PCDH7: variants seen among roughly 807,000 people sequenced by gnomAD.
The protein encoded by PCDH7 is protocadherin-7.
In PCDH7, 17 loss-of-function variants were observed where a neutral mutation model predicts 58.9. The ratio of observed to expected loss-of-function variants is 0.29; its 90% confidence interval spans 0.20 to 0.43. PCDH7 has a LOEUF of 0.43. Among genes scored for constraint, PCDH7 ranks in the 20% least tolerant of loss-of-function variants. The probability of loss-of-function intolerance (pLI) is 1.00; values close to 1 mark genes in which losing one functional copy is unlikely to be tolerated. For synonymous variants in PCDH7, 664 were observed against 616.4 expected, an observed-to-expected ratio of 1.08 and a Z score of -1.14; for missense variants, 1,274 against 1,441.0, an observed-to-expected ratio of 0.88 and a Z score of 1.88.
intron 1 of PCDH7, among the ~76,000 whole-genome samples, chr4:30,882,143 C>T (rs1340940743): frequency 6.9e-6 from 1 of 144,670 alleles, no homozygotes; most frequent in Non-Finnish European, 1.5e-5. Flanking sequence ...CTCTTCCTCC[C>T]CCTCCTTTTC....
At chr4:31,129,846 T>G (rs928823328) in intron 3 of PCDH7, among the ~76,000 whole-genome samples, 3 of 152,048 alleles carry the variant, frequency 2.0e-5, no homozygotes, top group African/African-American at 7.2e-5. Flanking sequence ...CAGGCTGGTC[T>G]CAAACTCCTG....
At chr4:30,782,846 G>A (rs116074738) in intron 1 of PCDH7, among the ~76,000 whole-genome samples, 215 of 152,194 alleles carry the variant, frequency 1.4e-3, no homozygotes, top group African/African-American at 4.8e-3. Context: ...CCTTTCCTTC[G>A]AGTATATGGA....
intron 3 of PCDH7, among the ~76,000 whole-genome samples, chr4:31,079,304 T>G (rs1369828074): frequency 3.6e-5 from 3 of 83,812 alleles, no homozygotes; most frequent in Middle Eastern, 6.2e-3. Context: ...TTTACAATAC[T>G]GGAAGATATA....
chr4:30,894,504 TATATATATATATACACAC>T (rs1560476711), intron 1 of PCDH7, among the ~76,000 whole-genome samples: 2 of 47,642 alleles, frequency 4.2e-5, no homozygotes, highest in Non-Finnish European at 7.0e-5. Flanking sequence ...TATATATATA[TATATATATATATACACAC>T]ACACACACAC....
intron 1 of PCDH7, among the ~76,000 whole-genome samples, chr4:30,907,606 G>A (rs1741132691): frequency 6.6e-6 from 1 of 152,168 alleles, no homozygotes; most frequent in Non-Finnish European, 1.5e-5. Context: ...AACAACAGAT[G>A]CTGGAGAGGA....
chr4:30,782,811 C>A (rs1722963710), intron 1 of PCDH7, among the ~76,000 whole-genome samples: 1 of 152,186 alleles, frequency 6.6e-6, no homozygotes, highest in African/African-American at 2.4e-5. Context: ...CTGTGTGGCA[C>A]TGTGTCTTCA....
At chr4:31,015,650 C>A (rs940721584) in intron 3 of PCDH7, among the ~76,000 whole-genome samples, 8 of 152,126 alleles carry the variant, frequency 5.3e-5, no homozygotes, top group Admixed American at 5.2e-4. Flanking sequence ...TTACCCATGT[C>A]TGCATTATAT....
chr4:30,775,138 T>C (rs1213404921), intron 1 of PCDH7, among the ~76,000 whole-genome samples: 1 of 152,194 alleles, frequency 6.6e-6, no homozygotes, highest in Admixed American at 6.5e-5. Context: ...TTTGTGGTGT[T>C]AAAGGGTGAC....
chr4:30,783,334 A>G (rs1214767960), intron 1 of PCDH7, among the ~76,000 whole-genome samples: 1 of 152,134 alleles, frequency 6.6e-6, no homozygotes, highest in African/African-American at 2.4e-5. Flanking sequence ...CTTAACATCA[A>G]TTTGATTTTC....
chr4:30,974,786 A>C (rs956577833), intron 3 of PCDH7, among the ~76,000 whole-genome samples: 2 of 152,092 alleles, frequency 1.3e-5, no homozygotes, highest in African/African-American at 4.8e-5. Context: ...ATGAGGTTTT[A>C]AGAGGGCTGT....
At chr4:31,045,273 T>C (rs936517842) in intron 3 of PCDH7, among the ~76,000 whole-genome samples, 3 of 152,042 alleles carry the variant, frequency 2.0e-5, no homozygotes, top group Non-Finnish European at 4.4e-5. Flanking sequence ...CTCTCTTTTT[T>C]CTTTTTGCAC....
intron 3 of PCDH7, among the ~76,000 whole-genome samples, chr4:30,976,404 T>C (rs1400597814): frequency 1.4e-5 from 2 of 147,828 alleles, no homozygotes; most frequent in Non-Finnish European, 3.0e-5. Flanking sequence ...AAATACTTTT[T>C]TTTTTTTTTT....
intron 3 of PCDH7, among the ~76,000 whole-genome samples, chr4:31,109,251 CA>C (rs1715984906): frequency 6.6e-6 from 1 of 152,148 alleles, no homozygotes; most frequent in Non-Finnish European, 1.5e-5. Flanking sequence ...GCAAAATATG[CA>C]TTGATATGGG....
chr4:30,947,188 T>C (rs1746800810), intron 2 of PCDH7, among the ~76,000 whole-genome samples: 1 of 152,122 alleles, frequency 6.6e-6, no homozygotes, highest in African/African-American at 2.4e-5. Flanking sequence ...TTTCCAAGAA[T>C]GGAAACTAGA....
At chr4:30,862,634 G>A (rs905661847) in intron 1 of PCDH7, among the ~76,000 whole-genome samples, 5 of 152,068 alleles carry the variant, frequency 3.3e-5, no homozygotes, top group African/African-American at 1.2e-4. Context: ...AGGGTTTGTC[G>A]CCTATGCTGT....
intron 1 of PCDH7, among the ~76,000 whole-genome samples, chr4:30,904,362 A>G (rs1740634291): frequency 1.3e-5 from 2 of 152,010 alleles, no homozygotes. Flanking sequence ...CTCCCTCTTC[A>G]AAACTACCCA....
rs1425001611 is a variant in PCDH7, at chr4:30,722,134, G to C, written c.712G>C (p.Gly238Arg). ...AGAGGGCGGCGGCGGCACCAACCCC[G>C]GCGGCCGCAGCAGCGTGTTCGAGCT... The change falls in exon 1 of 2, where the codon GGC becomes CGC. Residue 238 changes from glycine to arginine, a missense_variant. Physicochemically the swap from Gly to Arg is moderately radical, Grantham distance 125 (BLOSUM62 -2). Coordinates refer to ENST00000361762, the Ensembl canonical transcript of PCDH7. The surrounding 1 kb of genome is among the most constrained non-coding windows in gnomAD (Gnocchi z 7.6). 4.2e-6 allele frequency: 6 copies of C among 1,442,934 alleles called. No individual in the cohort carries two copies. Among genetic ancestry groups the C allele is most frequent in the South Asian group, 1.4e-5 (1 of 69,516 alleles). The allele number at this position is 1,442,934 out of a possible 1,614,324, so 89.4% of individuals were successfully genotyped here.
At chr4:30,731,574 TA>T (rs1471876527) in exon 2 of PCDH7, 1 of 152,212 alleles carries the variant, frequency 6.6e-6, no homozygotes, top group African/African-American at 2.4e-5. Flanking sequence ...TTTCATTTGC[TA>T]AAGTCACTGT....
chr4:30,790,094 C>A (rs980156259), intron 1 of PCDH7, among the ~76,000 whole-genome samples: 13 of 152,074 alleles, frequency 8.5e-5, no homozygotes, highest in African/African-American at 3.1e-4. Context: ...AGGATCAAAA[C>A]CTTGCTTTTG....
Sources: allele counts gnomAD v4.1 joint callset (sites outside exome capture counted in the v4.1 genomes callset), GRCh38; gene constraint gnomAD v4.1.1; non-coding constraint Gnocchi (gnomAD v3.1); transcripts MANE v1.5; gene names NCBI Gene and HGNC (gene_info 2026-07-23, HGNC 2026-07-21).